Variants in FAM193A observed in about 807,000 individuals in gnomAD.
FAM193A encodes family with sequence similarity 193 member A.
A neutral mutation model predicts 126.5 loss-of-function variants in FAM193A; 22 were observed. That is an observed-to-expected ratio of 0.17 (90% CI 0.12 to 0.25). The LOEUF is 0.25. FAM193A is among the 10% of genes least tolerant of loss of function. The pLI is 1.00. For missense variants in FAM193A, 1,675 were observed against 1,672.8 expected (o/e 1.00, Z -0.02); for synonymous variants, 761 against 646.8 (o/e 1.18, Z -2.68).
chr4:2,564,873 C>T (rs1485164657), intron 1 of FAM193A, among the ~76,000 whole-genome samples: 1 of 151,868 alleles, frequency 6.6e-6, no homozygotes, highest in Admixed American at 6.6e-5. Context: ...TGGCACCATC[C>T]GTTGCTCATT....
chr4:2,546,682 T>G (rs1301898877), intron 1 of FAM193A, among the ~76,000 whole-genome samples: 1 of 152,194 alleles, frequency 6.6e-6, no homozygotes, highest in Non-Finnish European at 1.5e-5. Context: ...TGGTGGACAT[T>G]GGGGTTGTTT....
intron 20 of FAM193A, among the ~76,000 whole-genome samples, chr4:2,719,792 C>G (rs1279275009): frequency 6.8e-6 from 1 of 147,400 alleles, no homozygotes; most frequent in African/African-American, 2.5e-5. Context: ...CCCTCCCTCC[C>G]TCCCTTCCTT....
chr4:2,718,223 A>G (rs1001341239), intron 20 of FAM193A, among the ~76,000 whole-genome samples: 2 of 152,150 alleles, frequency 1.3e-5, no homozygotes, highest in African/African-American at 4.8e-5. Context: ...AGAGAAGATC[A>G]ACAAAGCTAA....
At chr4:2,728,896 CTTTT>C (rs34029424) in intron 20 of FAM193A, among the ~76,000 whole-genome samples, 8 of 97,146 alleles carry the variant, frequency 8.2e-5, no homozygotes, top group Admixed American at 4.4e-4. Context: ...ACCTCCAAAA[CTTTT>C]TTTTTTTTTT....
intron 1 of FAM193A, among the ~76,000 whole-genome samples, chr4:2,545,344 C>T (rs1193480095): frequency 6.6e-6 from 1 of 152,004 alleles, no homozygotes; most frequent in African/African-American, 2.4e-5. Context: ...CTCTTTGGCT[C>T]AACATTATAT....
rs2108980747 is a variant in FAM193A, at chr4:2,626,401, G to A, written c.636-9G>A. 1.4e-6 allele frequency: 1 copy of A among 698,604 alleles called. No individual in the cohort carries two copies. The highest frequency in any genetic ancestry group is 2.6e-6 in the Non-Finnish European group (1 of 381,334). The allele number at this position is 698,604 out of a possible 1,614,324, so 43.3% of individuals were successfully genotyped here. The stretch of plus-strand genomic sequence containing the variant: ...GGTGACTTTCTAACCTTCCTGTGTT[G>A]TCTCACAGAGAAATTTCGGCAGAGG... On this transcript the variant is annotated splice_polypyrimidine_tract_variant and intron_variant, in intron 3 of 20. Transcript: ENST00000637812.
At chr4:2,721,535 T>C (rs2109399393) in intron 20 of FAM193A, among the ~76,000 whole-genome samples, 1 of 152,274 alleles carries the variant, frequency 6.6e-6, no homozygotes, top group East Asian at 1.9e-4. Flanking sequence ...CAGCAAGCTT[T>C]TGACCACTAA....
intron 1 of FAM193A, among the ~76,000 whole-genome samples, chr4:2,590,806 T>TC (rs1021101499): frequency 2.6e-5 from 4 of 151,892 alleles, no homozygotes; most frequent in Non-Finnish European, 4.4e-5. Context: ...GGCGGGTGGA[T>TC]CACGAGGTCA....
intron 1 of FAM193A, among the ~76,000 whole-genome samples, chr4:2,554,185 A>G (rs1738117014): frequency 6.6e-6 from 1 of 152,074 alleles, no homozygotes. Flanking sequence ...CCCGGGTTCA[A>G]GTGGTTCTCC....
intron 7 of FAM193A, among the ~76,000 whole-genome samples, chr4:2,650,818 G>A (rs1745589097): frequency 6.6e-6 from 1 of 152,182 alleles, no homozygotes; most frequent in Non-Finnish European, 1.5e-5. Context: ...AGCACCTTCT[G>A]GGTAGGCATG....
At chr4:2,545,061 C>T (rs846080) in intron 1 of FAM193A, among the ~76,000 whole-genome samples, 4,901 of 151,940 alleles carry the variant, frequency 0.032, 123 homozygotes, top group Non-Finnish European at 0.047. Flanking sequence ...GGCGTGATCT[C>T]GGCTCACTGC....
In FAM193A at chr4:2,726,950, CAA is replaced by C. The variant is rs35697253; in HGVS notation, c.4455-4806_4455-4805del. ...GGGCAACAAGAGCAAAACTCCGTCC[CAA>C]AAAAAAAAAAAAAAAAAATTGTGAC... On this transcript the variant is annotated intron_variant, in intron 20 of 20. Coordinates refer to ENST00000637812, the MANE Select transcript of FAM193A (RefSeq NM_001366318.2). Among the ~76,000 whole-genome samples, 346 of 104,020 alleles carry C rather than the reference CAA, an allele frequency of 3.3e-3. 1 individual carries two copies. The highest frequency in any genetic ancestry group is 0.013 in the Middle Eastern group (2 of 152). The allele number at this position is 104,020 out of a possible 152,430, so 68.2% of individuals were successfully genotyped here.
At chr4:2,608,218 GCC>G in intron 2 of FAM193A, 1 of 1,208,176 alleles carries the variant, frequency 8.3e-7, no homozygotes, top group Non-Finnish European at 1.2e-6. Context: ...GGTCGGTCTC[GCC>G]CAGTATGGAG....
chr4:2,706,294 T>TC lies in FAM193A; in HGVS notation c.4372+5750_4372+5751insC, dbSNP rs201518618. Among the ~76,000 whole-genome samples, 406 of 106,472 alleles carry TC rather than the reference T, an allele frequency of 3.8e-3. 2 individuals carry two copies. The highest frequency in any genetic ancestry group is 0.017 in the South Asian group (50 of 2,960). The allele number at this position is 106,472 out of a possible 152,430, so 69.8% of individuals were successfully genotyped here. On this transcript the variant is annotated intron_variant, in intron 19 of 20. Coordinates refer to ENST00000637812, the MANE Select transcript of FAM193A (RefSeq NM_001366318.2). Reference sequence around the variant, plus strand: ...CCTACAATAAATTTCTTTCTTTCTTTTTTTTTTTTTTTTTTTTTTGAGACA... The same window carrying TC: ...CCTACAATAAATTTCTTTCTTTCTTTCTTTTTTTTTTTTTTTTTTTGAGACA...
At chr4:2,668,138 T>G (rs1355384405) in intron 12 of FAM193A, among the ~76,000 whole-genome samples, 1 of 152,130 alleles carries the variant, frequency 6.6e-6, no homozygotes, top group Admixed American at 6.5e-5. Context: ...CTCCTGGCCT[T>G]CAGTGATTCT....
intron 1 of FAM193A, among the ~76,000 whole-genome samples, chr4:2,572,797 TA>T (rs374060401): frequency 2.0e-4 from 29 of 147,560 alleles, no homozygotes; most frequent in East Asian, 5.9e-4. Flanking sequence ...TTTTTTTTTT[TA>T]AAGACCTGGC....
At chr4:2,638,600 C>A (rs1215082828) in intron 5 of FAM193A, among the ~76,000 whole-genome samples, 2 of 152,218 alleles carry the variant, frequency 1.3e-5, no homozygotes, top group East Asian at 3.8e-4. Flanking sequence ...TGCTGAATCT[C>A]TCAATTCTTG....
In FAM193A at chr4:2,656,778, G is replaced by A. The variant is rs540209045; in HGVS notation, c.1312-1025G>A. Reference sequence around the variant, plus strand: ...TTTAAAAAGAGGTGAAGTGCAAGTCGGACAAAATAGCCCATGAGCCCCTTG... The same window carrying A: ...TTTAAAAAGAGGTGAAGTGCAAGTCAGACAAAATAGCCCATGAGCCCCTTG... On this transcript the variant is annotated intron_variant, in intron 7 of 20. Transcript: ENST00000637812. Among the ~76,000 whole-genome samples, 14 of 152,244 alleles carry A rather than the reference G, an allele frequency of 9.2e-5. No homozygotes were observed. The South Asian group carries it at 1.0e-3, about 11-fold the overall frequency.
chr4:2,638,333 G>A (rs1308675434), intron 5 of FAM193A, among the ~76,000 whole-genome samples: 1 of 152,218 alleles, frequency 6.6e-6, no homozygotes, highest in Non-Finnish European at 1.5e-5. Context: ...GCATGGGCTT[G>A]GCATTTCACC....
Sources: gnomAD v4.1 joint callset for allele counts (sites outside exome capture counted in the v4.1 genomes callset) on GRCh38, gnomAD v4.1.1 for gene constraint, MANE v1.5 for transcripts, NCBI Gene and HGNC (gene_info 2026-07-23, HGNC 2026-07-21) for gene names.